Variants in EARS2 observed in about 807,000 individuals in gnomAD.
EARS2 encodes nondiscriminating glutamyl-tRNA synthetase EARS2, mitochondrial.
A neutral mutation model predicts 54.1 loss-of-function variants in EARS2; 50 were observed. That is an observed-to-expected ratio of 0.92 (90% confidence interval 0.74 to 1.17). The LOEUF is 1.17. Ranked by LOEUF, EARS2 falls within the 50% of genes most tolerant of loss-of-function variation. EARS2 has a pLI of 0.00. For missense variants in EARS2, 673 were observed against 675.0 expected (o/e 1.00, Z 0.03); for synonymous variants, 298 against 281.0 (o/e 1.06, Z -0.61).
At chr16:23,525,610 G>A (rs1445910451) in intron 7 of EARS2, among the ~76,000 whole-genome samples, 1 of 152,188 alleles carries the variant, frequency 6.6e-6, no homozygotes, top group African/African-American at 2.4e-5. Context: ...AATGCAGGGA[G>A]GTAAGAGGTG....
At chr16:23,556,970 GA>G (rs1200970120) in intron 1 of EARS2, 15 of 716,186 alleles carry the variant, frequency 2.1e-5, no homozygotes, top group Non-Finnish European at 3.5e-5. Flanking sequence ...TGGAATGCAT[GA>G]AAAAAAGATC....
chr16:23,556,681 C>T, intron 1 of EARS2: 3 of 352,218 alleles, frequency 8.5e-6, no homozygotes, highest in South Asian at 4.4e-5. Flanking sequence ...CTTCTATAGG[C>T]TTCACATAGC....
chr16:23,524,812 T>A (rs1341435518), intron 8 of EARS2, among the ~76,000 whole-genome samples: 1 of 151,920 alleles, frequency 6.6e-6, no homozygotes, highest in Non-Finnish European at 1.5e-5. Context: ...CCCCAGCTAA[T>A]TTTTGTATTT....
rs1298593820 is a variant in EARS2, at chr16:23,522,848, C to G, written c.*1523G>C. ...TCACAAGCGAGATCAGCTAGGATTG[C>G]GGTCATGTGAATGCTTGGCTGGAAT... is the stretch of plus-strand genomic sequence containing the variant. On this transcript the variant is annotated 3_prime_UTR_variant, in exon 9 of 9. Coordinates refer to ENST00000449606, the MANE Select transcript of EARS2 (RefSeq NM_001083614.2). 6.6e-6 allele frequency: 1 copy of G among 152,148 alleles called. No homozygotes were observed. The highest frequency in any genetic ancestry group is 1.5e-5 in the Non-Finnish European group (1 of 68,038). 9.4% of individuals were successfully genotyped at this position (152,148 alleles called of 1,614,324 possible).
chr16:23,547,174 T>C (rs1306586304), intron 2 of EARS2, among the ~76,000 whole-genome samples: 3 of 152,202 alleles, frequency 2.0e-5, no homozygotes, highest in Non-Finnish European at 4.4e-5. Flanking sequence ...TGATGAATAT[T>C]ATTTGGCTAT....
intron 3 of EARS2, among the ~76,000 whole-genome samples, chr16:23,536,869 A>G (rs1372775176): frequency 6.6e-6 from 1 of 151,430 alleles, no homozygotes; most frequent in African/African-American, 2.4e-5. Flanking sequence ...TTTTAGTAGA[A>G]ATGGGGTTTC....
At chr16:23,533,622 A>G (rs1256256381) in intron 4 of EARS2, among the ~76,000 whole-genome samples, 1 of 152,224 alleles carries the variant, frequency 6.6e-6, no homozygotes, top group African/African-American at 2.4e-5. Context: ...GGCTAAACCC[A>G]TCTCCATTAC....
intron 3 of EARS2, chr16:23,537,242 T>TCC (rs1965435713): frequency 6.4e-6 from 1 of 157,014 alleles, no homozygotes; most frequent in Non-Finnish European, 1.4e-5. Context: ...GTAAACATAA[T>TCC]AACATGTTTA....
intron 2 of EARS2, among the ~76,000 whole-genome samples, chr16:23,551,754 C>T (rs1169694352): frequency 2.0e-5 from 3 of 152,104 alleles, no homozygotes; most frequent in Admixed American, 1.3e-4. Flanking sequence ...CCCGTCTCTA[C>T]TAAAAATACA....
intron 4 of EARS2, among the ~76,000 whole-genome samples, chr16:23,534,385 C>G (rs1965377613): frequency 6.6e-6 from 1 of 152,134 alleles, no homozygotes; most frequent in African/African-American, 2.4e-5. Flanking sequence ...AGTCTTGGAC[C>G]ATGGGTAAGT....
chr16:23,538,973 CTTTTTTTTTT>C lies in EARS2; in HGVS notation c.486-3623_486-3614del, dbSNP rs34153998. ...ATTCTCAACAGTTATGGCCCCCCTCCTTTTTTTTTTTTTTTTTTTTTTGAGACAGGGTCTC... is the reference window on the plus strand; with the variant it reads ...ATTCTCAACAGTTATGGCCCCCCTCCTTTTTTTTTTTTGAGACAGGGTCTC... On this transcript the variant is annotated intron_variant, in intron 3 of 8. Coordinates refer to ENST00000449606, the MANE Select transcript of EARS2 (RefSeq NM_001083614.2). Among the ~76,000 whole-genome samples, 82 of 83,858 alleles carry C rather than the reference CTTTTTTTTTT, an allele frequency of 9.8e-4. 2 individuals are homozygous for C. The South Asian group carries it at 0.02, about 21-fold the overall frequency. 55.0% of individuals were successfully genotyped at this position (83,858 alleles called of 152,430 possible).
At chr16:23,546,274 C>A in intron 2 of EARS2, 1 of 403,664 alleles carries the variant, frequency 2.5e-6, no homozygotes, top group South Asian at 1.8e-5. Flanking sequence ...GATGGTGTTT[C>A]TGCCCTCAAA....
chr16:23,542,729 T>C (rs74700644), intron 3 of EARS2, among the ~76,000 whole-genome samples: 12,541 of 152,284 alleles, frequency 0.082, 921 homozygotes, highest in African/African-American at 0.19. Flanking sequence ...CTGGTGTTTC[T>C]GTCCTTGTGT....
intron 3 of EARS2, among the ~76,000 whole-genome samples, chr16:23,539,388 AC>A: frequency 6.6e-6 from 1 of 152,066 alleles, no homozygotes; most frequent in South Asian, 2.1e-4. Context: ...TGACTTTTCC[AC>A]CCCAATGACA....
In EARS2 at chr16:23,552,287, C is replaced by T; in HGVS notation, c.157G>A (p.Gly53Ser). 6.2e-7 allele frequency: 1 copy of T among 1,614,154 alleles called. No homozygotes were observed. The highest frequency in any genetic ancestry group is 1.6e-4 in the Middle Eastern group (1 of 6,062). ...PSPTGFLHLG[G>S]LRTALYNYIF... ...TAGTTGTACAAGGCAGTGCGGAGGC[C>T]ACCCAGGTGCAAGAAGCCTGGAGAA... is the stretch of plus-strand genomic sequence containing the variant. The change falls in exon 2 of 9, where the codon GGC becomes AGC. Residue 53 changes from glycine (G) to serine (S), a missense_variant. Gly to Ser is a moderately conservative substitution (Grantham distance 56). Around this residue, in one of 3 missense-constraint regions of EARS2, gnomAD observed 316 missense variants for 275.2 expected, o/e 1.15. Coordinates refer to ENST00000449606, the MANE Select transcript of EARS2 (RefSeq NM_001083614.2).
chr16:23,535,320 C>G lies in EARS2; in HGVS notation c.526G>C (p.Ala176Pro), dbSNP rs1965399716. 2 of 1,601,626 alleles carry G rather than the reference C, an allele frequency of 1.2e-6. No homozygotes were observed. The highest frequency in any genetic ancestry group is 4.5e-5 in the East Asian group (2 of 44,870). The change falls in exon 4 of 9, where the codon GCC (alanine) becomes CCC (proline). Residue 176 changes from alanine (A) to proline (P), a missense_variant. Coordinates refer to ENST00000449606, the MANE Select transcript of EARS2 (RefSeq NM_001083614.2). ...TTGGGGTCCTTGGCCAGCTTCTGGG[C>G]CACCTGCTCCTGGCTCATGTTCCTG... is the stretch of plus-strand genomic sequence containing the variant. ...RCRNMSQEQV[A>P]QKLAKDPKPA... is the part of the protein sequence containing the mutation.
chr16:23,543,462 A>G (rs1186490028), intron 3 of EARS2, among the ~76,000 whole-genome samples: 3 of 151,540 alleles, frequency 2.0e-5, no homozygotes, highest in Non-Finnish European at 4.4e-5. Flanking sequence ...AAAAAACCTG[A>G]TCTGGCTGGG....
chr16:23,529,248 A>T (rs1391063320), intron 7 of EARS2, among the ~76,000 whole-genome samples: 1 of 152,214 alleles, frequency 6.6e-6, no homozygotes, highest in African/African-American at 2.4e-5. Context: ...AAGGTGACAT[A>T]ATCTGGTGAG....
At position 23,524,028 on chromosome 16, in the gene EARS2, G is replaced by A. The variant is rs1750871023; in HGVS notation, c.*343C>T. On this transcript the variant is annotated 3_prime_UTR_variant, in exon 9 of 9. Transcript: ENST00000449606. ...CCTGGTTCTGTGGCATTTTGTTATG[G>A]GGGCCCTAGCAAACTGAAACCCAAG... is the stretch of plus-strand genomic sequence containing the variant. 1 of 225,500 alleles carries A rather than the reference G, an allele frequency of 4.4e-6. No homozygotes were observed. The highest frequency in any genetic ancestry group is 8.7e-6 in the Non-Finnish European group (1 of 115,400). The allele number at this position is 225,500 out of a possible 1,614,324, so 14.0% of individuals were successfully genotyped here. A position where few individuals can be genotyped will look rare whatever the true frequency, so the allele number is the denominator to read the frequency against.
Sources: gnomAD v4.1 joint callset for allele counts (sites outside exome capture counted in the v4.1 genomes callset) on GRCh38, gnomAD v4.1.1 for gene constraint, gnomAD v4.1.1 regional missense constraint, MANE v1.5 for transcripts, NCBI Gene and HGNC (gene_info 2026-07-23, HGNC 2026-07-21) for gene names.